TENM2: variants seen among roughly 807,000 people sequenced by gnomAD.
The protein encoded by TENM2 is teneurin-2.
In TENM2, 52 loss-of-function variants were observed where a neutral mutation model predicts 245.2. The observed-to-expected ratio is 0.21, with a 90% confidence interval of 0.17 to 0.27. The LOEUF (loss-of-function observed/expected upper bound fraction) is 0.27, where lower values mean the gene tolerates loss of function less well. Ranked by LOEUF, TENM2 falls within the 10% of genes least tolerant of loss-of-function variation. The pLI, the probability that TENM2 is intolerant of heterozygous loss-of-function variation, is 1.00. For missense variants in TENM2, 3,046 were observed against 3,666.8 expected (o/e 0.83, Z 4.37); for synonymous variants, 1,363 against 1,438.9 (o/e 0.95, Z 1.19).
At chr5:167,104,897 T>C in the TENM2 span, among the ~76,000 whole-genome samples, 124 of 152,320 alleles carry the variant, frequency 8.1e-4, no homozygotes, top group Non-Finnish European at 1.5e-3. Context: ...ATTTGTCTAC[T>C]GAATGTGATG....
chr5:167,101,835 TTATATATATATATTTATATATATATA>T, the TENM2 span, among the ~76,000 whole-genome samples: 16 of 50,854 alleles, frequency 3.1e-4, no homozygotes, highest in South Asian at 3.4e-3. Flanking sequence ...CTCTTGACAT[TTATATATATATATTTATATATATATA>T]TATATATATA....
chr5:168,214,337 A>G (rs1283171804), intron 20 of TENM2, among the ~76,000 whole-genome samples: 2 of 152,220 alleles, frequency 1.3e-5, no homozygotes, highest in Non-Finnish European at 2.9e-5. Flanking sequence ...TGTGGCTGGG[A>G]GCCCTGGCAG....
intron 1 of TENM2, among the ~76,000 whole-genome samples, chr5:167,292,015 G>A (rs1299409617): frequency 2.0e-5 from 3 of 152,120 alleles, no homozygotes; most frequent in South Asian, 4.1e-4. Context: ...CTTACATGGC[G>A]GCAGGGAAGA....
chr5:166,999,045 A>AT, the TENM2 span, among the ~76,000 whole-genome samples: 1 of 150,418 alleles, frequency 6.6e-6, no homozygotes, highest in Admixed American at 6.7e-5. Flanking sequence ...TTATTATTAT[A>AT]TTTTTGTATA....
At chr5:167,453,576 A>T (rs1359446641) in intron 2 of TENM2, among the ~76,000 whole-genome samples, 4 of 152,148 alleles carry the variant, frequency 2.6e-5, no homozygotes, top group African/African-American at 9.7e-5. Context: ...CAGTTTCTTC[A>T]TTTTTAAGAA....
At chr5:167,764,672 G>A (rs955598015) in intron 2 of TENM2, among the ~76,000 whole-genome samples, 2 of 152,166 alleles carry the variant, frequency 1.3e-5, no homozygotes, top group Non-Finnish European at 2.9e-5. Context: ...GTGGGCCGGT[G>A]AGGATTGACT....
chr5:167,458,135 TA>T (rs1766034560), intron 2 of TENM2, among the ~76,000 whole-genome samples: 2 of 152,278 alleles, frequency 1.3e-5, no homozygotes, highest in African/African-American at 4.8e-5. Context: ...TAAACATTGT[TA>T]TACACAATAA....
chr5:167,170,291 G>T, the TENM2 span, among the ~76,000 whole-genome samples: 1 of 152,202 alleles, frequency 6.6e-6, no homozygotes. Context: ...TCATTGGTTT[G>T]CAGGTCAATC....
chr5:167,342,290 A>G lies in TENM2; in HGVS notation c.227-32908A>G, dbSNP rs185749919. Among the ~76,000 whole-genome samples the G allele has an allele frequency of 8.6e-5, 13 of 152,042 alleles. No individual in the cohort carries two copies. The East Asian group carries it at 2.3e-3, about 27-fold the overall frequency. ...GCAGTTTTGAGGAGTCTTGATTAGGAACTTTATAGAATGTCCCACAGTTGA... is the reference window on the plus strand; with the variant it reads ...GCAGTTTTGAGGAGTCTTGATTAGGGACTTTATAGAATGTCCCACAGTTGA... On this transcript the variant is annotated intron_variant, in intron 1 of 28. Transcript: ENST00000518659.
chr5:167,319,876 C>T (rs1489568314), intron 1 of TENM2, among the ~76,000 whole-genome samples: 1 of 152,180 alleles, frequency 6.6e-6, no homozygotes, highest in African/African-American at 2.4e-5. Flanking sequence ...TTGTAATAAG[C>T]AAGGTCACTA....
chr5:167,545,438 C>T (rs148117370), intron 2 of TENM2, among the ~76,000 whole-genome samples: 142 of 152,214 alleles, frequency 9.3e-4, no homozygotes, highest in African/African-American at 3.3e-3. Context: ...TACTCAGGCA[C>T]CTGCACACAA....
chr5:167,730,163 G>A (rs547842720), intron 2 of TENM2, among the ~76,000 whole-genome samples: 3 of 152,252 alleles, frequency 2.0e-5, no homozygotes, highest in East Asian at 1.9e-4. Flanking sequence ...CTGCAGTGCC[G>A]TTGTTCTCAT....
At position 167,969,974 on chromosome 5, in the gene TENM2, C is replaced by T. The variant is rs192993639; in HGVS notation, c.947+17152C>T. Among the ~76,000 whole-genome samples the T allele has an allele frequency of 2.6e-5, 4 of 152,256 alleles. No homozygotes were observed. In the East Asian group the frequency reaches 7.7e-4, roughly 29 times the overall value. ...ACCAAACATCGTGCTATTAGGAGAC[C>T]CTGAAATGGAGGGCTGGCAGGCAAA... On this transcript the variant is annotated intron_variant, in intron 4 of 28. Transcript: ENST00000518659.
At chr5:167,780,869 A>G (rs1582993151) in intron 2 of TENM2, among the ~76,000 whole-genome samples, 2 of 152,318 alleles carry the variant, frequency 1.3e-5, no homozygotes, top group South Asian at 4.1e-4. Context: ...CTGAGACCCA[A>G]CTACACTTAC....
At chr5:167,004,674 G>A in the TENM2 span, among the ~76,000 whole-genome samples, 1 of 152,162 alleles carries the variant, frequency 6.6e-6, no homozygotes, top group African/African-American at 2.4e-5. Context: ...TATGAGTAGG[G>A]TTGTTAGTGG....
At chr5:167,445,334 T>TAGGGAGAGAGAGAGAGAGAGAG (rs1380778783) in intron 2 of TENM2, among the ~76,000 whole-genome samples, 8 of 86,324 alleles carry the variant, frequency 9.3e-5, no homozygotes, top group African/African-American at 3.7e-4. Flanking sequence ...TATATATATA[T>TAGGGAGAGAGAGAGAGAGAGAG]ATAGAGAGAG....
intron 2 of TENM2, among the ~76,000 whole-genome samples, chr5:167,691,815 A>C (rs1757447180): frequency 6.6e-6 from 1 of 152,104 alleles, no homozygotes; most frequent in Non-Finnish European, 1.5e-5. Flanking sequence ...CTGGCAGGGG[A>C]AAGAGAAGTC....
At chr5:167,018,327 A>G in the TENM2 span, among the ~76,000 whole-genome samples, 1 of 152,130 alleles carries the variant, frequency 6.6e-6, no homozygotes, top group African/African-American at 2.4e-5. Flanking sequence ...TCAGGCAACA[A>G]TAAAGCTAAT....
At chr5:168,121,630 G>A (rs953408644) in intron 10 of TENM2, among the ~76,000 whole-genome samples, 6 of 152,102 alleles carry the variant, frequency 3.9e-5, no homozygotes, top group African/African-American at 1.4e-4. Flanking sequence ...AGAGAAGAGA[G>A]AGCTAATTTA....
Sources: allele counts gnomAD v4.1 joint callset (sites outside exome capture counted in the v4.1 genomes callset), GRCh38; gene constraint gnomAD v4.1.1; transcripts MANE v1.5; gene names NCBI Gene and HGNC (gene_info 2026-07-23, HGNC 2026-07-21).